The following TRPS1 variants were observed in gnomAD, a reference collection of about 807,000 sequenced individuals.
TRPS1 encodes transcriptional repressor GATA binding 1.
A neutral mutation model predicts 101.2 loss-of-function variants in TRPS1; 6 were observed. The observed-to-expected ratio is 0.06, with a 90% confidence interval of 0.03 to 0.12. TRPS1 has a LOEUF of 0.12. Among genes scored for constraint, TRPS1 ranks in the 10% least tolerant of loss-of-function variants. The pLI is 1.00. For missense variants in TRPS1, 1,363 were observed against 1,567.0 expected (o/e 0.87, Z 2.20); for synonymous variants, 578 against 589.8 (o/e 0.98, Z 0.29).
chr8:115,445,018 C>T (rs1200660329), intron 5 of TRPS1, among the ~76,000 whole-genome samples: 1 of 152,124 alleles, frequency 6.6e-6, no homozygotes, highest in Non-Finnish European at 1.5e-5. Flanking sequence ...TGGATAAATT[C>T]CAAAATCCTT....
rs1814482325 is a variant in TRPS1 at position 115,471,992 on chromosome 8, C to A, written c.2701-53540G>T. Among the ~76,000 whole-genome samples the A allele has an allele frequency of 2.0e-5, 3 of 152,218 alleles. No homozygotes were observed. The South Asian group carries it at 6.2e-4, about 31-fold the overall frequency. Reference sequence around the variant, plus strand: ...TTCATGGTCTGGCACTGAGTGTCTGCAGTTTTTCTAGGCAACTGGTGCAAG... The same window carrying A: ...TTCATGGTCTGGCACTGAGTGTCTGAAGTTTTTCTAGGCAACTGGTGCAAG... On this transcript the variant is annotated intron_variant, in intron 5 of 6. Coordinates refer to ENST00000395715, the MANE Select transcript of TRPS1 (RefSeq NM_014112.5).
chr8:115,523,205 C>T (rs1368866896), intron 5 of TRPS1, among the ~76,000 whole-genome samples: 3 of 151,874 alleles, frequency 2.0e-5, no homozygotes, highest in South Asian at 2.1e-4. Context: ...TTGTAAAGGA[C>T]CGGGAAAGGC....
At chr8:115,601,787 T>G (rs1817912894) in intron 4 of TRPS1, among the ~76,000 whole-genome samples, 1 of 152,198 alleles carries the variant, frequency 6.6e-6, no homozygotes, top group Admixed American at 6.5e-5. Flanking sequence ...AAATCTCAGC[T>G]TATTCATAAC....
At chr8:115,615,564 G>A (rs1379909048) in intron 3 of TRPS1, among the ~76,000 whole-genome samples, 1 of 152,134 alleles carries the variant, frequency 6.6e-6, no homozygotes, top group Non-Finnish European at 1.5e-5. Flanking sequence ...TTCGAGACCA[G>A]CCTGGCCAAT....
rs182111347 is a variant in TRPS1, at chr8:115,637,485, T to C, written c.-121-13727A>G. Among the ~76,000 whole-genome samples, 156 of 152,310 alleles carry C rather than the reference T, an allele frequency of 1.0e-3. 1 individual carries two copies. The highest frequency in any genetic ancestry group is 1.0e-4 in the Non-Finnish European group (7 of 68,030). ...TGGAATTTTTAAAACCCCAGAAATA[T>C]CGCACAGGTTCAGATAAAAAGATGG... On this transcript the variant is annotated intron_variant, in intron 1 of 6. Transcript: ENST00000395715.
intron 5 of TRPS1, among the ~76,000 whole-genome samples, chr8:115,449,154 A>C (rs1813807249): frequency 6.6e-6 from 1 of 152,214 alleles, no homozygotes; most frequent in South Asian, 2.1e-4. Context: ...GTTATAAAGA[A>C]AGGAAAATAT....
intron 2 of TRPS1, among the ~76,000 whole-genome samples, chr8:115,622,007 A>G (rs1818406319): frequency 6.6e-6 from 1 of 152,188 alleles, no homozygotes; most frequent in African/African-American, 2.4e-5. Context: ...CCAAATACCT[A>G]TAAAAGCTCC....
intron 5 of TRPS1, among the ~76,000 whole-genome samples, chr8:115,543,872 C>T (rs1816511371): frequency 6.6e-6 from 1 of 151,624 alleles, no homozygotes; most frequent in Admixed American, 6.6e-5. Context: ...CTGAAATTTG[C>T]TCTACAACAC....
chr8:115,520,932 G>T (rs1815845942), intron 5 of TRPS1, among the ~76,000 whole-genome samples: 1 of 151,696 alleles, frequency 6.6e-6, no homozygotes, highest in Non-Finnish European at 1.5e-5. Context: ...ATTTGTACAG[G>T]TGTGATGTTT....
At chr8:115,448,793 T>A (rs1813798927) in intron 5 of TRPS1, among the ~76,000 whole-genome samples, 1 of 152,246 alleles carries the variant, frequency 6.6e-6, no homozygotes, top group South Asian at 2.1e-4. Context: ...AACAAAACTC[T>A]GACTCCTGGA....
intron 5 of TRPS1, among the ~76,000 whole-genome samples, chr8:115,462,202 C>A (rs1417866959): frequency 6.6e-6 from 1 of 152,210 alleles, no homozygotes; most frequent in Non-Finnish European, 1.5e-5. Flanking sequence ...AACAAGATAG[C>A]TCCCAAGCAA....
At chr8:115,495,453 G>T (rs371359536) in intron 5 of TRPS1, among the ~76,000 whole-genome samples, 2 of 148,798 alleles carry the variant, frequency 1.3e-5, no homozygotes, top group Admixed American at 6.7e-5. Context: ...ATGGCAGAAA[G>T]GAGGAAAAAA....
At chr8:115,493,213 C>T (rs931471327) in intron 5 of TRPS1, among the ~76,000 whole-genome samples, 1 of 152,150 alleles carries the variant, frequency 6.6e-6, no homozygotes, top group Non-Finnish European at 1.5e-5. Flanking sequence ...TTTAGCCTAT[C>T]ACCATAATAA....
chr8:115,428,298 T>G (rs189245047), intron 5 of TRPS1, among the ~76,000 whole-genome samples: 5 of 152,192 alleles, frequency 3.3e-5, no homozygotes, highest in South Asian at 2.1e-4. Context: ...TCCCCCACTA[T>G]TATATATAAA....
Position 115,634,313 on chromosome 8 carries a change from G to A in TRPS1, c.-121-10555C>T, listed in dbSNP as rs146009210. Among the ~76,000 whole-genome samples, 357 of 152,254 alleles carry A rather than the reference G, an allele frequency of 2.3e-3. 1 individual carries two copies. The highest frequency in any genetic ancestry group is 8.3e-3 in the African/African-American group (345 of 41,562). The stretch of plus-strand genomic sequence containing the variant: ...GTTGACTGATCCCCAATCTATGAAT[G>A]CTTTACATGTTCTAGAAGTCAAAGC... On this transcript the variant is annotated intron_variant, in intron 1 of 6. Coordinates refer to ENST00000395715, the MANE Select transcript of TRPS1 (RefSeq NM_014112.5).
At chr8:115,519,703 A>G (rs2625681) in intron 5 of TRPS1, among the ~76,000 whole-genome samples, 151,489 of 151,490 alleles carry the variant, frequency 1, 75,744 homozygotes, top group Non-Finnish European at 1. Context: ...ATATTGTGTA[A>G]ACAACATTAA....
chr8:115,624,475 T>TG (rs1310848315), intron 1 of TRPS1, among the ~76,000 whole-genome samples: 2 of 151,992 alleles, frequency 1.3e-5, no homozygotes, highest in South Asian at 2.1e-4. Flanking sequence ...GCCCATATAA[T>TG]GAGAATGCAT....
At chr8:115,504,551 C>T (rs376383222) in intron 5 of TRPS1, among the ~76,000 whole-genome samples, 24 of 152,278 alleles carry the variant, frequency 1.6e-4, no homozygotes, top group African/African-American at 5.5e-4. Context: ...TGGCCCTTGC[C>T]CTACCTTTAA....
At chr8:115,557,316 A>G (rs1816844563) in intron 5 of TRPS1, among the ~76,000 whole-genome samples, 1 of 152,098 alleles carries the variant, frequency 6.6e-6, no homozygotes, top group African/African-American at 2.4e-5. Context: ...ATATGTCTCA[A>G]ACTCAAAAGA....
Sources: gnomAD v4.1 joint callset for allele counts (sites outside exome capture counted in the v4.1 genomes callset) on GRCh38, gnomAD v4.1.1 for gene constraint, MANE v1.5 for transcripts, NCBI Gene and HGNC (gene_info 2026-07-23, HGNC 2026-07-21) for gene names.